Variants in SH3RF3 observed in about 807,000 individuals in gnomAD.
SH3RF3 encodes SH3 domain containing ring finger 3.
In SH3RF3, 29 loss-of-function variants were observed where a neutral mutation model predicts 66.3. The ratio of observed to expected loss-of-function variants is 0.44; its 90% CI spans 0.33 to 0.60. The LOEUF is 0.60. Ranked by LOEUF, SH3RF3 falls within the 20% of genes least tolerant of loss-of-function variation. The probability of loss-of-function intolerance (pLI) is 0.04; values close to 1 mark genes in which losing one functional copy is unlikely to be tolerated. For missense variants in SH3RF3, 1,194 were observed against 1,190.9 expected (o/e 1.00, Z -0.04); for synonymous variants, 583 against 532.0 (o/e 1.10, Z -1.32).
In SH3RF3 at chr2:109,238,681, A is replaced by T. The variant is rs546324399; in HGVS notation, c.573+108568A>T. On this transcript the variant is annotated intron_variant, in intron 1 of 9. Coordinates refer to ENST00000309415, the MANE Select transcript of SH3RF3 (RefSeq NM_001099289.3). Reference sequence around the variant, plus strand: ...AATGGAGGAGGAGAGTGCTCACAGGATGGCCTCACTCCACAGAGGACCGGA... The same window carrying T: ...AATGGAGGAGGAGAGTGCTCACAGGTTGGCCTCACTCCACAGAGGACCGGA... Among the ~76,000 whole-genome samples the T allele has an allele frequency of 2.6e-5, 4 of 152,266 alleles. No homozygotes were observed. The South Asian group carries it at 8.3e-4, about 32-fold the overall frequency.
intron 8 of SH3RF3, among the ~76,000 whole-genome samples, chr2:109,489,348 C>A (rs557392803): frequency 6.7e-4 from 102 of 152,356 alleles, no homozygotes; most frequent in African/African-American, 2.4e-3. Flanking sequence ...GGTACAGCTG[C>A]AACAACAATC....
rs1390339150 is a variant in SH3RF3, at chr2:109,449,258, C to T, written c.1917C>T (p.Ala639=). The T allele has an allele frequency of 1.2e-6, 2 of 1,612,700 alleles. No individual in the cohort carries two copies. Among genetic ancestry groups the T allele is most frequent in the Admixed American group, 1.7e-5 (1 of 59,860 alleles). The change falls in exon 8 of 10, where the codon GCC becomes GCT. Residue 639 remains alanine (A), a synonymous_variant. Transcript: ENST00000309415. Reference sequence around the variant, plus strand: ...AGAACTCTCCATCCCGCCTGCCTGCCACCAGCCTCAGGCCCCACTCGGTGG... The same window carrying T: ...AGAACTCTCCATCCCGCCTGCCTGCTACCAGCCTCAGGCCCCACTCGGTGG... ...RTQNSPSRLP[A]TSLRPHSVVS... is the part of the protein sequence containing the mutation.
chr2:109,245,124 C>T (rs1013559444), intron 1 of SH3RF3, among the ~76,000 whole-genome samples: 3 of 152,160 alleles, frequency 2.0e-5, no homozygotes, highest in African/African-American at 7.2e-5. Context: ...ATGAGAGCCC[C>T]TCCACCATCT....
chr2:109,471,046 C>A (rs935783112), intron 8 of SH3RF3, among the ~76,000 whole-genome samples: 1 of 151,754 alleles, frequency 6.6e-6, no homozygotes, highest in South Asian at 2.1e-4. Context: ...ATGGTGAAAC[C>A]CCATCTCCAC....
chr2:109,363,411 A>C (rs1348442841), intron 2 of SH3RF3, among the ~76,000 whole-genome samples: 2 of 152,168 alleles, frequency 1.3e-5, no homozygotes, highest in African/African-American at 4.8e-5. Flanking sequence ...TCTCTTGTAC[A>C]TGAGCATTGT....
At chr2:109,304,367 C>A (rs11123737) in intron 1 of SH3RF3, among the ~76,000 whole-genome samples, 40,265 of 152,104 alleles carry the variant, frequency 0.26, 6,009 homozygotes, top group East Asian at 0.66. Context: ...TGGCTTATTT[C>A]GTTTAACATA....
rs116329611 is a variant in SH3RF3 at position 109,331,959 on chromosome 2, C to T, written c.574-15715C>T. ...GCACCTGGCCGATCCTCCGATGGGTCTTCCTGGTGCTGTGACTGTCTGTGA... is the reference window on the plus strand; with the variant it reads ...GCACCTGGCCGATCCTCCGATGGGTTTTCCTGGTGCTGTGACTGTCTGTGA... On this transcript the variant is annotated intron_variant, in intron 1 of 9. Coordinates refer to ENST00000309415, the MANE Select transcript of SH3RF3 (RefSeq NM_001099289.3). Among the ~76,000 whole-genome samples, 1,174 of 152,314 alleles carry T rather than the reference C, an allele frequency of 7.7e-3. 14 individuals are homozygous for T. Among genetic ancestry groups the T allele is most frequent in the African/African-American group, 0.027 (1,120 of 41,570 alleles).
intron 1 of SH3RF3, among the ~76,000 whole-genome samples, chr2:109,185,983 C>G (rs935082631): frequency 1.2e-4 from 18 of 152,208 alleles, no homozygotes; most frequent in Admixed American, 2.0e-4. Flanking sequence ...TTGGCTGTCA[C>G]GAGCACATTT....
rs183721356 is a variant in SH3RF3, at chr2:109,133,900, T to C, written c.573+3787T>C. ...AGTGGCTGGCCCAGCCTTGCCAGGC[T>C]GTAGTCTCTGGTGGGTGTGGGTGAC... On this transcript the variant is annotated intron_variant, in intron 1 of 9. Transcript: ENST00000309415. 1.8e-3 allele frequency among the ~76,000 whole-genome samples: 277 copies of C among 152,276 alleles called. 1 individual carries two copies. The highest frequency in any genetic ancestry group is 1.4e-3 in the Non-Finnish European group (97 of 68,028).
At chr2:109,317,299 C>T (rs888674063) in intron 1 of SH3RF3, among the ~76,000 whole-genome samples, 3 of 152,138 alleles carry the variant, frequency 2.0e-5, no homozygotes, top group African/African-American at 7.2e-5. Flanking sequence ...GGTGACAGGG[C>T]GACAGCAATG....
chr2:109,431,811 C>T (rs2104566987), intron 5 of SH3RF3, among the ~76,000 whole-genome samples: 1 of 151,876 alleles, frequency 6.6e-6, no homozygotes, highest in East Asian at 1.9e-4. Context: ...ATTGAGGCTG[C>T]AGTGAGCTAT....
chr2:109,325,277 C>A (rs1014907311), intron 1 of SH3RF3, among the ~76,000 whole-genome samples: 3 of 151,472 alleles, frequency 2.0e-5, no homozygotes, highest in Non-Finnish European at 4.4e-5. Flanking sequence ...TCGTAGAATC[C>A]CAGGAGTCAT....
intron 1 of SH3RF3, among the ~76,000 whole-genome samples, chr2:109,165,174 A>G (rs925523508): frequency 6.9e-6 from 1 of 144,732 alleles, no homozygotes; most frequent in Non-Finnish European, 1.5e-5. Context: ...CCTAAGCCAC[A>G]TTAAATCATC....
intron 9 of SH3RF3, among the ~76,000 whole-genome samples, chr2:109,492,408 G>T (rs1416080463): frequency 6.6e-6 from 1 of 152,142 alleles, no homozygotes; most frequent in Non-Finnish European, 1.5e-5. Context: ...CTGCTAACCA[G>T]TGAGAACGGA....
chr2:109,355,579 GCA>G (rs1682930991), intron 2 of SH3RF3, among the ~76,000 whole-genome samples: 1 of 152,182 alleles, frequency 6.6e-6, no homozygotes, highest in South Asian at 2.1e-4. Flanking sequence ...GTGACATAGA[GCA>G]CAGCACTATC....
At chr2:109,473,921 C>T (rs1678603610) in intron 8 of SH3RF3, among the ~76,000 whole-genome samples, 1 of 152,168 alleles carries the variant, frequency 6.6e-6, no homozygotes, top group Non-Finnish European at 1.5e-5. Flanking sequence ...TGTCATTACC[C>T]CTAGGGTAAT....
rs1676637274 is a variant in SH3RF3 at position 109,129,700 on chromosome 2, C to T, written c.160C>T (p.Leu54=). The T allele has an allele frequency of 2.0e-6, 3 of 1,534,122 alleles. No homozygotes were observed. Among genetic ancestry groups the T allele is most frequent in the East Asian group, 2.5e-5 (1 of 40,234 alleles). ...CATGGACGAGTCGTCGCTGCTGGAC[C>T]TGCTGGAGTGCTCCGTGTGTCTGGA... ...EDMDESSLLD[L]LECSVCLERL... The change falls in exon 1 of 10, where the codon CTG becomes TTG. Residue 54 remains leucine (L), a synonymous_variant. Transcript: ENST00000309415.
At chr2:109,326,841 G>A (rs1371500404) in intron 1 of SH3RF3, among the ~76,000 whole-genome samples, 1 of 152,210 alleles carries the variant, frequency 6.6e-6, no homozygotes, top group African/African-American at 2.4e-5. Context: ...AGTATCCGTA[G>A]GTGCGCACAG....
chr2:109,166,530 C>G (rs1677631296), intron 1 of SH3RF3, among the ~76,000 whole-genome samples: 1 of 151,750 alleles, frequency 6.6e-6, no homozygotes, highest in South Asian at 2.1e-4. Context: ...TTACAGCTCT[C>G]TCTGCTCAAT....
Sources: gnomAD v4.1 joint callset for allele counts (sites outside exome capture counted in the v4.1 genomes callset) on GRCh38, gnomAD v4.1.1 for gene constraint, MANE v1.5 for transcripts, NCBI Gene and HGNC (gene_info 2026-07-23, HGNC 2026-07-21) for gene names.